The following CCDC171 variants were observed in gnomAD, a reference collection of about 807,000 sequenced individuals.
CCDC171 encodes coiled-coil domain containing 171, also known as coiled-coil domain-containing protein 171.
Under a neutral mutation model 168.2 loss-of-function variants are expected in CCDC171, and 177 were observed. The ratio of observed to expected loss-of-function variants is 1.05; its 90% CI spans 0.93 to 1.19. The LOEUF is 1.19. CCDC171 is among the 50% of genes most tolerant of loss of function. CCDC171 has a pLI of 0.00. For synonymous variants in CCDC171, 687 were observed against 540.8 expected (o/e 1.27, Z -3.75); for missense variants, 1,991 against 1,539.0 (o/e 1.29, Z -4.91).
chr9:15,729,291 C>G (rs2054010723), intron 15 of CCDC171, among the ~76,000 whole-genome samples: 1 of 151,984 alleles, frequency 6.6e-6, no homozygotes, highest in South Asian at 2.1e-4. Flanking sequence ...ATTTGAATAG[C>G]TTGAGCTTTG....
chr9:15,860,676 A>G (rs191148606), intron 23 of CCDC171, among the ~76,000 whole-genome samples: 58 of 152,072 alleles, frequency 3.8e-4, no homozygotes, highest in African/African-American at 1.4e-3. Context: ...CTAACATATG[A>G]TATATCCTGG....
intron 25 of CCDC171, among the ~76,000 whole-genome samples, chr9:15,924,111 A>T (rs1825641402): frequency 6.6e-6 from 1 of 151,510 alleles, no homozygotes; most frequent in African/African-American, 2.4e-5. Context: ...TATTTCAAAG[A>T]AGGGAAAATC....
At chr9:15,566,115 C>A (rs1461513800) in intron 2 of CCDC171, among the ~76,000 whole-genome samples, 2 of 151,752 alleles carry the variant, frequency 1.3e-5, no homozygotes, top group Non-Finnish European at 2.9e-5. Context: ...CGATGTTGAA[C>A]ATCTTTGCAT....
At chr9:15,956,187 C>T (rs914359528) in intron 25 of CCDC171, among the ~76,000 whole-genome samples, 1 of 152,122 alleles carries the variant, frequency 6.6e-6, no homozygotes, top group South Asian at 2.1e-4. Context: ...TACTTGGAGA[C>T]CTGTCTTTGA....
intron 3 of CCDC171, 111 bp downstream of exon 3, chr9:15,571,870 T>C: frequency 1.4e-5 from 13 of 923,512 alleles, no homozygotes; most frequent in Non-Finnish European, 1.9e-5. Context: ...ATTCTTGGGC[T>C]TAAAAAGGAA....
upstream of CCDC171, among the ~76,000 whole-genome samples, chr9:16,041,055 A>G (rs16933985): frequency 0.041 from 6,291 of 152,314 alleles, 412 homozygotes; most frequent in African/African-American, 0.14. Context: ...GTATAAAGAC[A>G]GAATTGGGTG....
chr9:15,557,661 T>A (rs2038922014), intron 1 of CCDC171, among the ~76,000 whole-genome samples: 1 of 152,156 alleles, frequency 6.6e-6, no homozygotes, highest in South Asian at 2.1e-4. Context: ...GTTTTCTAAA[T>A]ATACAATCAT....
At chr9:15,558,793 G>C (rs569912658) in intron 1 of CCDC171, among the ~76,000 whole-genome samples, 21 of 151,904 alleles carry the variant, frequency 1.4e-4, no homozygotes, top group East Asian at 5.8e-4. Flanking sequence ...TGTGTTTGCT[G>C]TTGCTTCTCT....
chr9:15,711,515 T>C (rs1175221810), intron 11 of CCDC171, among the ~76,000 whole-genome samples: 11 of 152,202 alleles, frequency 7.2e-5, no homozygotes, highest in Non-Finnish European at 1.2e-4. Flanking sequence ...TTTTCCATTT[T>C]AGTGATAGAA....
chr9:15,900,148 A>G (rs1484537918), intron 24 of CCDC171, among the ~76,000 whole-genome samples: 1 of 152,204 alleles, frequency 6.6e-6, no homozygotes, highest in Non-Finnish European at 1.5e-5. Flanking sequence ...TGATACCAGT[A>G]AATGTAATGG....
chr9:15,735,264 A>G (rs1184225701), intron 16 of CCDC171, among the ~76,000 whole-genome samples: 1 of 152,194 alleles, frequency 6.6e-6, no homozygotes, highest in Non-Finnish European at 1.5e-5. Flanking sequence ...ACGTTGAGCC[A>G]TCATGTAAAT....
intron 2 of CCDC171, among the ~76,000 whole-genome samples, chr9:15,569,688 G>A (rs1300213477): frequency 5.3e-5 from 8 of 151,624 alleles, no homozygotes; most frequent in Non-Finnish European, 1.2e-4. Flanking sequence ...GGTGGCGGGC[G>A]CCTGTAGTCC....
chr9:15,673,360 T>C (rs1482022406), intron 9 of CCDC171, among the ~76,000 whole-genome samples: 1 of 152,216 alleles, frequency 6.6e-6, no homozygotes, highest in Admixed American at 6.5e-5. Context: ...TCTTGCGTGA[T>C]TGCCCTGGCC....
At chr9:15,796,154 T>C (rs2058545951) in intron 21 of CCDC171, among the ~76,000 whole-genome samples, 1 of 152,126 alleles carries the variant, frequency 6.6e-6, no homozygotes, top group Non-Finnish European at 1.5e-5. Flanking sequence ...TTCTAAGAGA[T>C]AAGGTATGAA....
intron 1 of CCDC171, among the ~76,000 whole-genome samples, chr9:16,043,711 T>C (rs113130433): frequency 3.3e-5 from 5 of 152,330 alleles, no homozygotes; most frequent in African/African-American, 1.2e-4. Flanking sequence ...TCCTTACTAC[T>C]TTCTTGGACC....
chr9:15,683,335 G>A (rs927335661), intron 10 of CCDC171, among the ~76,000 whole-genome samples: 2 of 151,938 alleles, frequency 1.3e-5, no homozygotes, highest in Non-Finnish European at 2.9e-5. Flanking sequence ...ATGCTTTGTG[G>A]TGAAGGTAAT....
chr9:15,556,979 A>G (rs546331353), intron 1 of CCDC171, among the ~76,000 whole-genome samples: 1 of 152,150 alleles, frequency 6.6e-6, no homozygotes, highest in African/African-American at 2.4e-5. Flanking sequence ...TTTTCCCAAC[A>G]CCATTTATTA....
intron 6 of CCDC171, among the ~76,000 whole-genome samples, chr9:15,598,762 C>T (rs1046403420): frequency 6.6e-6 from 1 of 152,054 alleles, no homozygotes. Flanking sequence ...TAAAGTCTCC[C>T]ATTATTATTG....
downstream of CCDC171, among the ~76,000 whole-genome samples, chr9:15,978,330 G>A (rs1245035323): frequency 1.3e-5 from 2 of 152,052 alleles, no homozygotes; most frequent in African/African-American, 4.8e-5. Flanking sequence ...TTCTAATAAC[G>A]AATGGTGGCG....
Sources: gnomAD v4.1 joint callset for allele counts (sites outside exome capture counted in the v4.1 genomes callset) on GRCh38, gnomAD v4.1.1 for gene constraint, MANE v1.5 for transcripts, NCBI Gene and HGNC (gene_info 2026-07-23, HGNC 2026-07-21) for gene names.